Variants in NEMF observed in about 807,000 individuals in gnomAD.
The protein encoded by NEMF is ribosome quality control complex subunit NEMF.
Under a neutral mutation model 162.2 loss-of-function variants are expected in NEMF, and 89 were observed. That is an observed-to-expected ratio of 0.55 (90% CI 0.46 to 0.65). NEMF has a LOEUF of 0.65. Among genes scored for constraint, NEMF ranks in the 30% least tolerant of loss-of-function variants. The pLI is 0.00. For synonymous variants in NEMF, 421 were observed against 404.5 expected (o/e 1.04, Z -0.49); for missense variants, 1,133 against 1,261.9 (o/e 0.90, Z 1.55).
intron 29 of NEMF, 82 bp from the exon 30 acceptor site, chr14:49,785,402 A>C: frequency 6.2e-5 from 56 of 898,286 alleles, no homozygotes; most frequent in Non-Finnish European, 8.0e-5. Flanking sequence ...TTAGTATCTC[A>C]ACATATTTTT....
intron 3 of NEMF, among the ~76,000 whole-genome samples, chr14:49,850,831 A>C (rs1328678738): frequency 2.0e-5 from 3 of 152,206 alleles, no homozygotes; most frequent in African/African-American, 7.2e-5. Context: ...AAAGCCAAGA[A>C]TGTTAGGCTA....
rs544977649 is a variant in NEMF, at chr14:49,837,955, T to G, written c.574+184A>C. ...TAACACAATCTGCATTGCTTTTAAA[T>G]AAAATCTAATAGATAAAGCTCAAAC... On this transcript the variant is annotated intron_variant, in intron 6 of 32. Coordinates refer to ENST00000298310, the MANE Select transcript of NEMF (RefSeq NM_004713.6). 3.3e-5 allele frequency among the ~76,000 whole-genome samples: 5 copies of G among 152,254 alleles called. No individual in the cohort carries two copies. In the East Asian group the frequency reaches 9.6e-4, roughly 29 times the overall value.
At chr14:49,826,057 G>A (rs1594778086) in intron 15 of NEMF, 102 bp from the exon 16 acceptor site, 2 of 619,856 alleles carry the variant, frequency 3.2e-6, no homozygotes, top group Admixed American at 2.8e-5. Context: ...TCACAAAATG[G>A]CACAATCTAC....
chr14:49,840,387 G>C (rs1401909527), intron 5 of NEMF, among the ~76,000 whole-genome samples: 3 of 151,814 alleles, frequency 2.0e-5, no homozygotes, highest in Non-Finnish European at 4.4e-5. Flanking sequence ...GCTTGAACCT[G>C]GGATGCAGAG....
At position 49,784,326 on chromosome 14, in the gene NEMF, G is replaced by GTTTC. The variant is rs1462878400; in HGVS notation, c.*306_*309dup. ...AGCAATCAAGCCACTTCACTGTTCA[G>GTTTC]TTTCTTTACATCATGAAATGAATAC... On this transcript the variant is annotated 3_prime_UTR_variant, in exon 33 of 33. Transcript: ENST00000298310. 4.9e-5 allele frequency: 11 copies of GTTTC among 223,464 alleles called. No homozygotes were observed. Among genetic ancestry groups the GTTTC allele is most frequent in the African/African-American group, 2.6e-4 (11 of 43,064 alleles). The allele number at this position is 223,464 out of a possible 1,614,324, so 13.8% of individuals were successfully genotyped here. A position where few individuals can be genotyped will look rare whatever the true frequency, so the allele number is the denominator to read the frequency against.
At chr14:49,802,411 C>T (rs1566661512) in intron 22 of NEMF, 42 bp downstream of exon 22, 1 of 1,598,164 alleles carries the variant, frequency 6.3e-7, no homozygotes, top group Admixed American at 1.7e-5. Flanking sequence ...AACTAGGTAA[C>T]AAAAAACATC....
In NEMF at chr14:49,829,171, T is replaced by C. The variant is rs1892515673; in HGVS notation, c.1115A>G (p.Gln372Arg). Reference protein sequence around the residue: ...IQVVRSALANQIDWTEIGLIV... With the variant: ...IQVVRSALANRIDWTEIGLIV... ...TAACCCAATTTCTGTCCAATCTATCTGGTTAGCTAAAGCACTTCGAACTAC... is the reference window on the plus strand; with the variant it reads ...TAACCCAATTTCTGTCCAATCTATCCGGTTAGCTAAAGCACTTCGAACTAC... The change falls in exon 13 of 33, where the codon CAG (glutamine) becomes CGG (arginine). Residue 372 changes from glutamine (Q) to arginine (R), a missense_variant. By Grantham distance (43) the Gln-to-Arg change is conservative. Transcript: ENST00000298310. The C allele has an allele frequency of 6.2e-7, 1 of 1,614,070 alleles. No individual in the cohort carries two copies. Among genetic ancestry groups the C allele is most frequent in the Non-Finnish European group, 8.5e-7 (1 of 1,180,014 alleles).
chr14:49,828,249 A>G, intron 15 of NEMF, 42 bp downstream of exon 15: 1 of 1,265,230 alleles, frequency 7.9e-7, no homozygotes, highest in Non-Finnish European at 1.2e-6. Flanking sequence ...TAAATTACGC[A>G]GGCACAAACA....
At chr14:49,842,794 G>A (rs758420727) in intron 4 of NEMF, among the ~76,000 whole-genome samples, 7 of 152,096 alleles carry the variant, frequency 4.6e-5, no homozygotes, top group South Asian at 4.1e-4. Flanking sequence ...ATTATCTGAG[G>A]TCAGGAGTTC....
intron 16 of NEMF, among the ~76,000 whole-genome samples, chr14:49,825,588 T>C (rs1594777397): frequency 6.6e-6 from 1 of 151,992 alleles, no homozygotes; most frequent in Admixed American, 6.6e-5. Context: ...ATTAAAAAAT[T>C]AGCTGGGCAC....
At chr14:49,811,053 G>A (rs1891454131) in intron 18 of NEMF, among the ~76,000 whole-genome samples, 1 of 152,190 alleles carries the variant, frequency 6.6e-6, no homozygotes, top group Non-Finnish European at 1.5e-5. Context: ...TTACTGGGGA[G>A]TACTGCTATC....
At chr14:49,804,318 G>A (rs1354046376) in intron 19 of NEMF, among the ~76,000 whole-genome samples, 1 of 152,022 alleles carries the variant, frequency 6.6e-6, no homozygotes, top group Admixed American at 6.6e-5. Flanking sequence ...ATATGAAATA[G>A]CAGATTTTTA....
rs372419427 is a variant in NEMF, at chr14:49,802,688, C to G, written c.1955G>C (p.Gly652Ala). The G allele has an allele frequency of 1.9e-6, 3 of 1,612,242 alleles. No homozygotes were observed. The highest frequency in any genetic ancestry group is 2.5e-6 in the Non-Finnish European group (3 of 1,179,192). The change falls in exon 21 of 33, where the codon GGG (glycine) becomes GCG (alanine). Residue 652 changes from glycine to alanine, a missense_variant. Gly to Ala is a moderately conservative substitution (Grantham distance 60). This residue lies in a region of NEMF where 532 missense variants were observed against 578.6 expected (regional missense o/e 0.92). Coordinates refer to ENST00000298310, the MANE Select transcript of NEMF (RefSeq NM_004713.6). ...GAGTACCTTAAAAAGGAAGCTAAAC[C>G]CCATCATTAGATATGAGGGAGGAAG... is the stretch of plus-strand genomic sequence containing the variant. Reference protein sequence around the residue: ...NFLPPSYLMMGFSFLFKVDES... With the variant: ...NFLPPSYLMMAFSFLFKVDES...
At chr14:49,806,360 C>T (rs1309552560) in intron 18 of NEMF, among the ~76,000 whole-genome samples, 1 of 145,130 alleles carries the variant, frequency 6.9e-6, no homozygotes, top group Non-Finnish European at 1.5e-5. Flanking sequence ...CTCCCGGGTT[C>T]AAGCAATTCT....
chr14:49,784,644 T>G lies in NEMF; in HGVS notation c.3223A>C (p.Arg1075=). 1 of 1,606,656 alleles carries G rather than the reference T, an allele frequency of 6.2e-7. No homozygotes were observed. The change falls in exon 33 of 33, where the codon AGG becomes CGG. Residue 1075 remains arginine, a synonymous_variant. Transcript: ENST00000298310. The part of the protein sequence containing the change: ...VSAPNLLNVK[R]K The stretch of plus-strand genomic sequence containing the variant: ...TTAGAATTTCATTTCAGCTATTTCC[T>G]TTTTACGTTCAGAAGATTGGGTGCA...
intron 6 of NEMF, among the ~76,000 whole-genome samples, chr14:49,836,661 T>C (rs749973812): frequency 6.6e-6 from 1 of 151,912 alleles, no homozygotes; most frequent in Non-Finnish European, 1.5e-5. Flanking sequence ...AGAAGATCTT[T>C]TGAAATGCCA....
At chr14:49,844,826 T>A in intron 4 of NEMF, 1 of 424,234 alleles carries the variant, frequency 2.4e-6, no homozygotes, top group Non-Finnish European at 4.8e-6. Context: ...TGGAGTACAA[T>A]GGCATGATCT....
At chr14:49,796,919 C>T (rs952436290) in intron 25 of NEMF, among the ~76,000 whole-genome samples, 1 of 152,190 alleles carries the variant, frequency 6.6e-6, no homozygotes, top group Non-Finnish European at 1.5e-5. Context: ...AGTCTCCCTC[C>T]TTCATTTACT....
intron 26 of NEMF, 68 bp from the exon 27 acceptor site, chr14:49,789,641 G>T: frequency 3.8e-6 from 6 of 1,568,394 alleles, no homozygotes; most frequent in Non-Finnish European, 5.2e-6. Flanking sequence ...TACTTGCAAA[G>T]AAATGGTGTT....
Sources: gnomAD v4.1 joint callset for allele counts (sites outside exome capture counted in the v4.1 genomes callset) on GRCh38, gnomAD v4.1.1 for gene constraint, gnomAD v4.1.1 regional missense constraint, MANE v1.5 for transcripts, NCBI Gene and HGNC (gene_info 2026-07-23, HGNC 2026-07-21) for gene names.